Variants in DYSF observed in about 807,000 individuals in gnomAD.
DYSF encodes the protein dystrophy-associated fer-1-like 1.
DYSF carries 212 observed loss-of-function variants against 274.9 expected under a neutral mutation model. The ratio of observed to expected loss-of-function variants is 0.77; its 90% CI spans 0.69 to 0.86. DYSF has a LOEUF of 0.86. DYSF is among the 40% of genes least tolerant of loss of function. DYSF has a pLI of 0.00. For missense variants in DYSF, 2,666 were observed against 2,783.2 expected (o/e 0.96, Z 0.95); for synonymous variants, 1,091 against 1,078.7 (o/e 1.01, Z -0.22).
At position 71,602,691 on chromosome 2, in the gene DYSF, G is replaced by T. The variant is rs1529408; in HGVS notation, c.3928-85G>T. On this transcript the variant is annotated intron_variant, in intron 35 of 55. Coordinates refer to ENST00000410020, the MANE Select transcript of DYSF (RefSeq NM_001130987.2). The stretch of plus-strand genomic sequence containing the variant: ...GCTGACCTCTGGCCCCGCCTAGTGC[G>T]CCTTGATACTAATAGAGAACTTTTT... 1,397,227 of 1,475,142 alleles carry T rather than the reference G, an allele frequency of 0.95. 663,091 individuals carry two copies. Among genetic ancestry groups the T allele is most frequent in the African/African-American group, 0.99 (72,113 of 72,696 alleles). 91.4% of individuals were successfully genotyped at this position (1,475,142 alleles called of 1,614,324 possible).
At chr2:71,586,051 G>A (rs949165413) in intron 30 of DYSF, among the ~76,000 whole-genome samples, 4 of 152,084 alleles carry the variant, frequency 2.6e-5, no homozygotes, top group African/African-American at 9.7e-5. Flanking sequence ...GTTTGGTAGT[G>A]TCCTGACTGC....
intron 4 of DYSF, among the ~76,000 whole-genome samples, chr2:71,510,595 A>G (rs892907641): frequency 2.6e-5 from 4 of 152,096 alleles, no homozygotes; most frequent in African/African-American, 9.7e-5. Context: ...CCCAGGCCCC[A>G]GTCTGGAGAG....
At chr2:71,681,239 A>T in intron 54 of DYSF, 129 bp downstream of exon 54, 1 of 802,188 alleles carries the variant, frequency 1.2e-6, no homozygotes, top group Non-Finnish European at 2.1e-6. Flanking sequence ...GGCACGACTC[A>T]TCCAAGGCCA....
At chr2:71,595,094 A>G (rs1042379479) in intron 32 of DYSF, among the ~76,000 whole-genome samples, 1 of 152,366 alleles carries the variant, frequency 6.6e-6, no homozygotes, top group African/African-American at 2.4e-5. Context: ...TCCCAGGAAT[A>G]TGGGAAAAGG....
chr2:71,499,020 A>C (rs902833132), intron 3 of DYSF, among the ~76,000 whole-genome samples: 6 of 152,228 alleles, frequency 3.9e-5, no homozygotes, highest in Admixed American at 3.9e-4. Flanking sequence ...TTACGTTGGT[A>C]AAAACTTTAA....
At chr2:71,477,098 T>C (rs2082452165) in intron 1 of DYSF, among the ~76,000 whole-genome samples, 1 of 152,096 alleles carries the variant, frequency 6.6e-6, no homozygotes, top group Non-Finnish European at 1.5e-5. Context: ...TTTGTTCACA[T>C]GGTGAATAAC....
chr2:71,677,647 C>T (rs2095242893), intron 52 of DYSF, among the ~76,000 whole-genome samples: 1 of 67,464 alleles, frequency 1.5e-5, no homozygotes, highest in African/African-American at 5.8e-5. Flanking sequence ...TACCACTTCA[C>T]ACCTACTAAG....
Position 71,520,161 on chromosome 2 carries a change from C to G in DYSF, c.1003-17C>G. On this transcript the variant is annotated splice_polypyrimidine_tract_variant and intron_variant, in intron 10 of 55. Transcript: ENST00000410020. ...GGCGGCAAGAGTTTGATTTGTGTCT[C>G]CTCTCATTGATTGCAGATGGACGTG... 6.2e-7 allele frequency: 1 copy of G among 1,614,168 alleles called. No homozygotes were observed. Among genetic ancestry groups the G allele is most frequent in the Non-Finnish European group, 8.5e-7 (1 of 1,180,032 alleles).
chr2:71,531,517 A>G (rs1425120878), intron 14 of DYSF, among the ~76,000 whole-genome samples: 1 of 151,762 alleles, frequency 6.6e-6, no homozygotes, highest in Non-Finnish European at 1.5e-5. Flanking sequence ...CCATGATCAA[A>G]GGACATGTAT....
chr2:71,549,354 G>A lies in DYSF; in HGVS notation c.1577-1687G>A, dbSNP rs944668036. The A allele has an allele frequency of 1.2e-6, 2 of 1,612,754 alleles. No individual in the cohort carries two copies. The highest frequency in any genetic ancestry group is 1.7e-4 in the Middle Eastern group (1 of 6,060). On this transcript the variant is annotated intron_variant, in intron 17 of 55. Transcript: ENST00000410020. ...TTCCATTTCTTTACGCTTCAGAGGA[G>A]CCTGCAGGTGCTGTCAAGCCTTCGA... is the stretch of plus-strand genomic sequence containing the variant.
At chr2:71,662,365 G>C (rs535141021) in intron 45 of DYSF, among the ~76,000 whole-genome samples, 1 of 152,244 alleles carries the variant, frequency 6.6e-6, no homozygotes, top group Admixed American at 6.5e-5. Context: ...ATGGAATCCC[G>C]AGCTCCCTGA....
intron 2 of DYSF, among the ~76,000 whole-genome samples, chr2:71,481,415 AG>A (rs2082884341): frequency 6.6e-6 from 1 of 152,210 alleles, no homozygotes. Context: ...TCGGATGCAC[AG>A]GGGAGCCTTT....
At chr2:71,468,294 C>G (rs1173059008) in intron 1 of DYSF, among the ~76,000 whole-genome samples, 1 of 152,182 alleles carries the variant, frequency 6.6e-6, no homozygotes, top group Admixed American at 6.5e-5. Flanking sequence ...CTCTAACACT[C>G]GTTTGGGTCT....
intron 30 of DYSF, among the ~76,000 whole-genome samples, chr2:71,584,092 G>T (rs931406136): frequency 1.3e-5 from 2 of 152,128 alleles, no homozygotes; most frequent in African/African-American, 4.8e-5. Context: ...TGGGAGTTGC[G>T]GTGGCATGAG....
chr2:71,535,396 T>C, intron 16 of DYSF, 85 bp downstream of exon 16: 1 of 1,359,356 alleles, frequency 7.4e-7, no homozygotes, highest in South Asian at 1.2e-5. Flanking sequence ...CAGTGACTGG[T>C]AGTAAGAGTG....
intron 30 of DYSF, among the ~76,000 whole-genome samples, chr2:71,585,271 C>A (rs1406253012): frequency 6.6e-6 from 1 of 152,202 alleles, no homozygotes; most frequent in Non-Finnish European, 1.5e-5. Context: ...TCCACAGTAG[C>A]CCTGTGTGGG....
Position 71,555,986 on chromosome 2 carries a change from C to T in DYSF, c.2131C>T (p.His711Tyr). The change falls in exon 22 of 56, where the codon CAC (histidine) becomes TAC (tyrosine). Residue 711 changes from histidine (H) to tyrosine (Y), a missense_variant. Physicochemically the swap from His to Tyr is moderately conservative, Grantham distance 83 (BLOSUM62 2). Around this residue, in one of 3 missense-constraint regions of DYSF, gnomAD observed 412 missense variants for 504.0 expected, o/e 0.82. Coordinates refer to ENST00000410020, the MANE Select transcript of DYSF (RefSeq NM_001130987.2). ...DRLEAGLEQVHLALKAQCSTE... is the reference protein window; with the variant it reads ...DRLEAGLEQVYLALKAQCSTE... ...ACAGGAAGCTGGCCTGGAGCAGGTCCACCTGGCCCTGAAGGCGCAGTGCTC... is the reference window on the plus strand; with the variant it reads ...ACAGGAAGCTGGCCTGGAGCAGGTCTACCTGGCCCTGAAGGCGCAGTGCTC... 6.4e-7 allele frequency: 1 copy of T among 1,566,910 alleles called. No individual in the cohort carries two copies. The highest frequency in any genetic ancestry group is 8.7e-7 in the Non-Finnish European group (1 of 1,155,636).
chr2:71,574,498 A>T, intron 30 of DYSF, 127 bp downstream of exon 30: 1 of 1,192,452 alleles, frequency 8.4e-7, no homozygotes, highest in Non-Finnish European at 1.2e-6. Context: ...CTGGCTGGTC[A>T]TCCTGGCGTC....
chr2:71,485,154 A>G (rs966650135), intron 3 of DYSF, among the ~76,000 whole-genome samples: 2 of 152,270 alleles, frequency 1.3e-5, no homozygotes, highest in African/African-American at 4.8e-5. Context: ...TCTAGCAATT[A>G]AAACTTGTCT....
Sources: gnomAD v4.1 joint callset for allele counts (sites outside exome capture counted in the v4.1 genomes callset) on GRCh38, gnomAD v4.1.1 for gene constraint, gnomAD v4.1.1 regional missense constraint, MANE v1.5 for transcripts, NCBI Gene and HGNC (gene_info 2026-07-23, HGNC 2026-07-21) for gene names.